COX10: variants seen among roughly 807,000 people sequenced by gnomAD.
COX10 encodes the protein cytochrome c oxidase assembly factor heme A:farnesyltransferase COX10, also known as protoheme IX farnesyltransferase, mitochondrial.
Under a neutral mutation model 37.3 loss-of-function variants are expected in COX10, and 27 were observed. That is an observed-to-expected ratio of 0.72 (90% CI 0.53 to 1.00). The LOEUF (loss-of-function observed/expected upper bound fraction) is 1.00, where lower values mean the gene tolerates loss of function less well. Ranked by LOEUF, COX10 falls within the 50% of genes least tolerant of loss-of-function variation. The probability of loss-of-function intolerance (pLI) is 0.00; values close to 1 mark genes in which losing one functional copy is unlikely to be tolerated. For synonymous variants in COX10, 222 were observed against 229.1 expected, an observed-to-expected ratio of 0.97 and a Z score of 0.28; for missense variants, 475 against 563.2, an observed-to-expected ratio of 0.84 and a Z score of 1.59.
rs762883620 is a variant in COX10 at position 14,101,000 on chromosome 17, AGT to A, written c.500-1115_500-1114del. Among the ~76,000 whole-genome samples the A allele has an allele frequency of 4.3e-4, 66 of 152,154 alleles. 1 individual carries two copies. The highest frequency in any genetic ancestry group is 1.2e-4 in the Non-Finnish European group (8 of 68,014). ...AGTAGCACCCTCCCCTGCAATCAAA[AGT>A]GTTTCCAGACAATGCTAAATGTCCC... On this transcript the variant is annotated intron_variant, in intron 3 of 6. Coordinates refer to ENST00000261643, the MANE Select transcript of COX10 (RefSeq NM_001303.4).
intron 4 of COX10, among the ~76,000 whole-genome samples, chr17:14,117,611 G>A (rs915500558): frequency 6.6e-6 from 1 of 152,198 alleles, no homozygotes; most frequent in Non-Finnish European, 1.5e-5. Context: ...AAACCCGGAG[G>A]GGGAACATGC....
chr17:14,120,223 G>T (rs1413019529), intron 4 of COX10, among the ~76,000 whole-genome samples: 1 of 152,156 alleles, frequency 6.6e-6, no homozygotes, highest in East Asian at 1.9e-4. Context: ...GGTGCCCTCA[G>T]TGTAGCCAAG....
rs200480915 is a variant in COX10 at position 14,076,864 on chromosome 17, T to C, written c.307T>C (p.Ser103Pro). The change falls in exon 3 of 7, where the codon TCA becomes CCA. Residue 103 changes from serine to proline, a missense_variant. Coordinates refer to ENST00000261643, the MANE Select transcript of COX10 (RefSeq NM_001303.4). ...AGAAATATATGAGATGAGACCTCTC[T>C]CACCGCCCAGCCTATCTTTGTCCAG... ...KAEIYEMRPL[S>P]PPSLSLSRKP... The C allele has an allele frequency of 1.2e-6, 2 of 1,614,134 alleles. No individual in the cohort carries two copies. Among genetic ancestry groups the C allele is most frequent in the Non-Finnish European group, 1.7e-6 (2 of 1,180,032 alleles).
chr17:14,102,620 C>T (rs979275224), intron 4 of COX10, among the ~76,000 whole-genome samples: 1 of 152,018 alleles, frequency 6.6e-6, no homozygotes. Context: ...CATTTTAAAC[C>T]ACTGCTATAA....
At chr17:14,093,039 GATT>G (rs765133428) in intron 3 of COX10, among the ~76,000 whole-genome samples, 3 of 152,278 alleles carry the variant, frequency 2.0e-5, no homozygotes, top group Middle Eastern at 3.4e-3. Context: ...GCTTTAAAGA[GATT>G]ATATCTCAAG....
At chr17:14,100,014 C>G (rs1202744757) in intron 3 of COX10, among the ~76,000 whole-genome samples, 1 of 152,004 alleles carries the variant, frequency 6.6e-6, no homozygotes, top group South Asian at 2.1e-4. Flanking sequence ...ATCTTCCTAC[C>G]TCTCCCAGTT....
chr17:14,154,102 C>T (rs1470084011), intron 4 of COX10, among the ~76,000 whole-genome samples: 1 of 152,092 alleles, frequency 6.6e-6, no homozygotes, highest in African/African-American at 2.4e-5. Context: ...TCAGTGGCTG[C>T]CTGAGGACAA....
chr17:14,187,163 T>C (rs532737914), intron 5 of COX10, among the ~76,000 whole-genome samples: 1 of 151,908 alleles, frequency 6.6e-6, no homozygotes, highest in Non-Finnish European at 1.5e-5. Flanking sequence ...GAGTACAGCC[T>C]GACAGTACGT....
Position 14,074,328 on chromosome 17 carries a change from G to A in COX10, c.49G>A (p.Val17Ile), listed in dbSNP as rs746426795. The A allele has an allele frequency of 1.2e-4, 200 of 1,613,894 alleles. No individual in the cohort carries two copies. Among genetic ancestry groups the A allele is most frequent in the Middle Eastern group, 6.6e-4 (4 of 6,084 alleles). The change falls in exon 2 of 7, where the codon GTA becomes ATA. Residue 17 changes from valine to isoleucine, a missense_variant. By Grantham distance (29) the Val-to-Ile change is conservative (BLOSUM62 3). Transcript: ENST00000261643. The part of the protein sequence containing the change: ...TLSSRLLTGC[V>I]GGSVWYLERR... ...CACTTCTCTCTCTATTATAGGTTGC[G>A]TAGGAGGCTCTGTCTGGTATCTTGA...
At chr17:14,078,715 AACTT>A (rs1392852202) in intron 3 of COX10, among the ~76,000 whole-genome samples, 1 of 152,130 alleles carries the variant, frequency 6.6e-6, no homozygotes, top group East Asian at 1.9e-4. Context: ...TTGCCAAACT[AACTT>A]ACCCAAAATA....
At chr17:14,198,121 C>T (rs1035976384) in intron 6 of COX10, among the ~76,000 whole-genome samples, 1 of 152,106 alleles carries the variant, frequency 6.6e-6, no homozygotes, top group African/African-American at 2.4e-5. Context: ...CAGGAACTGC[C>T]GCACTTGGTT....
At chr17:14,126,529 A>C (rs568043758) in intron 4 of COX10, among the ~76,000 whole-genome samples, 1 of 152,248 alleles carries the variant, frequency 6.6e-6, no homozygotes, top group South Asian at 2.1e-4. Context: ...GATGTGTTCA[A>C]ATTTTAGTAT....
intron 3 of COX10, among the ~76,000 whole-genome samples, chr17:14,093,119 A>G (rs1243556773): frequency 6.6e-6 from 1 of 152,366 alleles, no homozygotes; most frequent in South Asian, 2.1e-4. Context: ...ATAATAGATT[A>G]CAAGGGTAAT....
intron 2 of COX10, among the ~76,000 whole-genome samples, chr17:14,076,111 C>CT (rs376434284): frequency 0.65 from 66,573 of 102,984 alleles, 24,084 homozygotes; most frequent in Middle Eastern, 0.8. Context: ...TCTTTTTTGT[C>CT]TTTTTTTTTT....
intron 4 of COX10, among the ~76,000 whole-genome samples, chr17:14,116,942 C>T (rs1437801965): frequency 6.6e-6 from 1 of 152,180 alleles, no homozygotes; most frequent in East Asian, 1.9e-4. Flanking sequence ...CATTGTGCCA[C>T]CCACCCCTAA....
chr17:14,121,754 T>C (rs980945798), intron 4 of COX10, among the ~76,000 whole-genome samples: 2 of 152,132 alleles, frequency 1.3e-5, no homozygotes, highest in Non-Finnish European at 2.9e-5. Context: ...TAGAATATCA[T>C]AGAAAAAAGA....
chr17:14,105,512 A>G (rs1299446092), intron 4 of COX10, among the ~76,000 whole-genome samples: 1 of 152,236 alleles, frequency 6.6e-6, no homozygotes, highest in Non-Finnish European at 1.5e-5. Context: ...GCATATTTAC[A>G]TAAATTATTC....
At position 14,095,096 on chromosome 17, in the gene COX10, G is replaced by A. The variant is rs1301842062; in HGVS notation, c.500-7022G>A. ...AGTTGATTCTGACTTAATTGGAGAAGGAACTGTCGAACAGCTAGAGCTCTT... is the reference window on the plus strand; with the variant it reads ...AGTTGATTCTGACTTAATTGGAGAAAGAACTGTCGAACAGCTAGAGCTCTT... On this transcript the variant is annotated intron_variant, in intron 3 of 6. Transcript: ENST00000261643. 2.6e-5 allele frequency among the ~76,000 whole-genome samples: 4 copies of A among 152,194 alleles called. No homozygotes were observed. In the East Asian group the frequency reaches 7.7e-4, roughly 29 times the overall value.
At chr17:14,156,943 A>G (rs1253815462) in intron 4 of COX10, among the ~76,000 whole-genome samples, 4 of 152,140 alleles carry the variant, frequency 2.6e-5, no homozygotes, top group Admixed American at 1.3e-4. Flanking sequence ...TAAACATTCT[A>G]TGCTTTGTGG....
Sources: allele counts gnomAD v4.1 joint callset (sites outside exome capture counted in the v4.1 genomes callset), GRCh38; gene constraint gnomAD v4.1.1; transcripts MANE v1.5; gene names NCBI Gene and HGNC (gene_info 2026-07-23, HGNC 2026-07-21).